Variants in TARBP1 observed in about 807,000 individuals in gnomAD.
TARBP1 encodes tRNA (guanosine(18)-2'-O)-methyltransferase TARBP1.
In TARBP1, 144 loss-of-function variants were observed where a neutral mutation model predicts 178.6. The observed-to-expected ratio is 0.81, with a 90% CI of 0.70 to 0.93. The LOEUF is 0.93. Ranked by LOEUF, TARBP1 falls within the 40% of genes least tolerant of loss-of-function variation. The pLI, the probability that TARBP1 is intolerant of heterozygous loss-of-function variation, is 0.00. For synonymous variants in TARBP1, 787 were observed against 781.0 expected (o/e 1.01, Z -0.13); for missense variants, 2,067 against 2,011.7 (o/e 1.03, Z -0.53).
At chr1:234,405,831 T>A in intron 24 of TARBP1, 72 bp downstream of exon 24, 1 of 1,408,948 alleles carries the variant, frequency 7.1e-7, no homozygotes, top group Non-Finnish European at 9.8e-7. Flanking sequence ...TGACACAGTA[T>A]GGGCACTGCC....
chr1:234,434,908 T>C (rs1266926445), intron 13 of TARBP1, among the ~76,000 whole-genome samples: 2 of 152,094 alleles, frequency 1.3e-5, no homozygotes, highest in South Asian at 2.1e-4. Flanking sequence ...AATGACATCA[T>C]AGAAGTTAAG....
chr1:234,474,392 G>C (rs556915286), intron 1 of TARBP1, among the ~76,000 whole-genome samples: 130 of 151,096 alleles, frequency 8.6e-4, no homozygotes, highest in Admixed American at 2.6e-3. Context: ...TCTAAAAAAA[G>C]AACAGAAAAC....
chr1:234,438,202 CAG>C (rs1231034848), intron 12 of TARBP1, among the ~76,000 whole-genome samples: 3 of 152,102 alleles, frequency 2.0e-5, no homozygotes, highest in Non-Finnish European at 4.4e-5. Flanking sequence ...AAATAAGATT[CAG>C]AGTTTCATAT....
At chr1:234,446,711 C>T (rs270527) in intron 12 of TARBP1, 92 bp downstream of exon 12, 424,684 of 945,644 alleles carry the variant, frequency 0.45, 100,211 homozygotes, top group African/African-American at 0.71. Flanking sequence ...AAAGTTTTCT[C>T]TTTGTTTTAA....
chr1:234,450,623 C>A, intron 9 of TARBP1, 57 bp from the exon 10 acceptor site: 1 of 1,561,522 alleles, frequency 6.4e-7, no homozygotes, highest in South Asian at 1.2e-5. Flanking sequence ...CAAAGGATTT[C>A]TAATCTCCTT....
chr1:234,468,772 T>C (rs1668718185), intron 3 of TARBP1, among the ~76,000 whole-genome samples: 1 of 151,864 alleles, frequency 6.6e-6, no homozygotes, highest in Non-Finnish European at 1.5e-5. Flanking sequence ...TGCTGGTCCT[T>C]CTGTTCTGCC....
In TARBP1 at chr1:234,457,686, C is replaced by A; in HGVS notation, c.1703G>T (p.Gly568Val). Residue 568 changes from glycine to valine, a missense_variant, in exon 9 of 30, where the codon GGA becomes GTA. Physicochemically the swap from Gly to Val is moderately radical, Grantham distance 109. Coordinates refer to ENST00000040877, the MANE Select transcript of TARBP1 (RefSeq NM_005646.4). ...SLRQEESLGR[G>V]TSLWTELCDW... ...TCTCACCTCTGTCCACAATGAAGTT[C>A]CTCGTCCTAAGGATTCCTCTTGTCT... 1.2e-6 allele frequency: 2 copies of A among 1,608,382 alleles called. No homozygotes were observed. Among genetic ancestry groups the A allele is most frequent in the South Asian group, 2.2e-5 (2 of 90,548 alleles).
intron 22 of TARBP1, among the ~76,000 whole-genome samples, chr1:234,413,107 CT>C (rs1662028877): frequency 1.3e-5 from 2 of 152,166 alleles, no homozygotes; most frequent in Admixed American, 1.3e-4. Context: ...ACCAGAGCTG[CT>C]CCTGCCATTG....
At chr1:234,398,871 T>C (rs1261285247) in intron 25 of TARBP1, among the ~76,000 whole-genome samples, 1 of 152,200 alleles carries the variant, frequency 6.6e-6, no homozygotes, top group Non-Finnish European at 1.5e-5. Flanking sequence ...ATGGACAGTA[T>C]TTGGATAAGT....
At chr1:234,420,862 TG>T in intron 20 of TARBP1, 50 bp from the exon 21 acceptor site, 1 of 1,141,120 alleles carries the variant, frequency 8.8e-7, no homozygotes. Flanking sequence ...ATTGAATTTG[TG>T]ATTAATGAAA....
intron 13 of TARBP1, among the ~76,000 whole-genome samples, chr1:234,436,032 T>C (rs778196018): frequency 1.3e-5 from 2 of 151,844 alleles, no homozygotes; most frequent in African/African-American, 4.8e-5. Context: ...AGAATTCTAA[T>C]TAATTTATTA....
chr1:234,442,023 T>C (rs781202374), intron 12 of TARBP1, among the ~76,000 whole-genome samples: 19 of 151,934 alleles, frequency 1.3e-4, no homozygotes, highest in Non-Finnish European at 2.5e-4. Flanking sequence ...ATACTCAGTC[T>C]CTCCAACAAA....
chr1:234,399,863 C>T (rs535022489), intron 25 of TARBP1, among the ~76,000 whole-genome samples: 2 of 120,670 alleles, frequency 1.7e-5, no homozygotes, highest in African/African-American at 6.7e-5. Context: ...GGAAGGGGAA[C>T]ATTACACTCT....
At chr1:234,415,856 G>A (rs1662358389) in intron 22 of TARBP1, among the ~76,000 whole-genome samples, 1 of 152,160 alleles carries the variant, frequency 6.6e-6, no homozygotes, top group Non-Finnish European at 1.5e-5. Context: ...CAATTTTCCA[G>A]TTCTGATTCT....
chr1:234,468,763 G>C (rs570584506), intron 3 of TARBP1, among the ~76,000 whole-genome samples: 1 of 151,830 alleles, frequency 6.6e-6, no homozygotes, highest in African/African-American at 2.4e-5. Context: ...CTGCAGCCCT[G>C]CTGGTCCTTC....
chr1:234,426,766 G>A (rs968346855), intron 19 of TARBP1, among the ~76,000 whole-genome samples: 12 of 151,796 alleles, frequency 7.9e-5, no homozygotes, highest in Middle Eastern at 3.4e-3. Flanking sequence ...TAGTTTTATC[G>A]CAGAAATCAA....
intron 12 of TARBP1, among the ~76,000 whole-genome samples, chr1:234,442,342 G>C (rs1320293172): frequency 6.6e-6 from 1 of 152,186 alleles, no homozygotes; most frequent in Non-Finnish European, 1.5e-5. Flanking sequence ...CCACATATCT[G>C]ACAAAGGACT....
At position 234,410,533 on chromosome 1, in the gene TARBP1, T is replaced by A. The variant is rs1419120209; in HGVS notation, c.3706-2A>T. On this transcript the variant is annotated splice_acceptor_variant, in intron 22 of 29. Transcript: ENST00000040877. LOFTEE classifies it high-confidence loss of function. ...GCTTGTTTTAAGATTTTCTTCACCC[T>A]GAAAAAATAATCAGATAAACAAATA... The A allele has an allele frequency of 4.0e-6, 6 of 1,492,258 alleles. No homozygotes were observed. The African/African-American group carries it at 8.3e-5, about 21-fold the overall frequency. The allele number at this position is 1,492,258 out of a possible 1,614,324, so 92.4% of individuals were successfully genotyped here.
At position 234,391,519 on chromosome 1, in the gene TARBP1, C is replaced by T; in HGVS notation, c.*58G>A. The stretch of plus-strand genomic sequence containing the variant: ...AATTTCAGAATCTGTTTCTTTAGTC[C>T]AAATAGTTTTTTTTAAAAAAGTCTG... On this transcript the variant is annotated 3_prime_UTR_variant, in exon 30 of 30. Coordinates refer to ENST00000040877, the MANE Select transcript of TARBP1 (RefSeq NM_005646.4). The T allele has an allele frequency of 6.7e-7, 1 of 1,490,176 alleles. No individual in the cohort carries two copies. Among genetic ancestry groups the T allele is most frequent in the Non-Finnish European group, 9.0e-7 (1 of 1,112,310 alleles). The allele number at this position is 1,490,176 out of a possible 1,614,324, so 92.3% of individuals were successfully genotyped here.
Sources: gnomAD v4.1 joint callset for allele counts (sites outside exome capture counted in the v4.1 genomes callset) on GRCh38, gnomAD v4.1.1 for gene constraint, MANE v1.5 for transcripts, NCBI Gene and HGNC (gene_info 2026-07-23, HGNC 2026-07-21) for gene names.